ARHGAP26: variants seen among roughly 807,000 people sequenced by gnomAD.
ARHGAP26 encodes Rho GTPase activating protein 26, also known as rho GTPase-activating protein 26.
ARHGAP26 carries 38 observed loss-of-function variants against 104.8 expected under a neutral mutation model. That is an observed-to-expected ratio of 0.36 (90% confidence interval 0.28 to 0.48). The LOEUF (loss-of-function observed/expected upper bound fraction) is 0.48, where lower values mean the gene tolerates loss of function less well. Ranked by LOEUF, ARHGAP26 falls within the 20% of genes least tolerant of loss-of-function variation. The probability of loss-of-function intolerance (pLI) is 0.99; values close to 1 mark genes in which losing one functional copy is unlikely to be tolerated. For synonymous variants in ARHGAP26, 341 were observed against 340.0 expected (o/e 1.00, Z -0.03); for missense variants, 704 against 947.9 (o/e 0.74, Z 3.38).
At chr5:142,952,474 C>T (rs1598370680) in intron 11 of ARHGAP26, among the ~76,000 whole-genome samples, 1 of 152,070 alleles carries the variant, frequency 6.6e-6, no homozygotes, top group Non-Finnish European at 1.5e-5. Context: ...ATCCTATGTA[C>T]CGTAGTGTGT....
intron 12 of ARHGAP26, among the ~76,000 whole-genome samples, chr5:143,018,652 A>G (rs544882718): frequency 6.6e-6 from 1 of 152,254 alleles, no homozygotes; most frequent in South Asian, 2.1e-4. Context: ...AGGTTTGCAT[A>G]TTTTAGTTCT....
Position 142,770,662 on chromosome 5 carries a change from T to G in ARHGAP26, c.-100T>G. On this transcript the variant is annotated 5_prime_UTR_variant, in exon 1 of 23. Transcript: ENST00000645722. ...GCCACACCTGTGGAGCCGGCGGCCGTCGGGGGAGCCGGCCGGGGTCCCGCC... is the reference window on the plus strand; with the variant it reads ...GCCACACCTGTGGAGCCGGCGGCCGGCGGGGGAGCCGGCCGGGGTCCCGCC... 2 of 911,402 alleles carry G rather than the reference T, an allele frequency of 2.2e-6. No individual in the cohort carries two copies. The highest frequency in any genetic ancestry group is 2.7e-6 in the Non-Finnish European group (2 of 748,908). The allele number at this position is 911,402 out of a possible 1,614,324, so 56.5% of individuals were successfully genotyped here.
intron 17 of ARHGAP26, among the ~76,000 whole-genome samples, chr5:143,111,028 A>G (rs1794715165): frequency 6.6e-6 from 1 of 152,228 alleles, no homozygotes; most frequent in Non-Finnish European, 1.5e-5. Flanking sequence ...CTAAATGACT[A>G]ATTTTGGAAA....
At position 143,173,447 on chromosome 5, in the gene ARHGAP26, C is replaced by T. The variant is rs549792897; in HGVS notation, c.1988+26066C>T. 2.0e-5 allele frequency among the ~76,000 whole-genome samples: 3 copies of T among 152,294 alleles called. No homozygotes were observed. In the South Asian group the frequency reaches 6.2e-4, roughly 32 times the overall value. ...GAAAATCACCACAGGCCAGAATTTT[C>T]AAGAGACGTATTTTTAGGCAGGTCC... On this transcript the variant is annotated intron_variant, in intron 20 of 22. Transcript: ENST00000645722.
chr5:142,832,649 G>A (rs1296272233), intron 1 of ARHGAP26, among the ~76,000 whole-genome samples: 1 of 152,254 alleles, frequency 6.6e-6, no homozygotes, highest in Non-Finnish European at 1.5e-5. Flanking sequence ...TGCAGTTTAG[G>A]TAAGTCCCTC....
intron 17 of ARHGAP26, among the ~76,000 whole-genome samples, chr5:143,083,072 C>T (rs1249478187): frequency 2.0e-5 from 3 of 152,150 alleles, no homozygotes; most frequent in Non-Finnish European, 2.9e-5. Flanking sequence ...ATACAGCAGT[C>T]GAAGGCAGTC....
chr5:142,936,191 A>G lies in ARHGAP26; in HGVS notation c.1107+4066A>G, dbSNP rs1050941725. On this transcript the variant is annotated intron_variant, in intron 11 of 22. Transcript: ENST00000645722. ...TGAGTTCAGCAAGGTCACAGGATAC[A>G]AGATAGACATATGCACAAAATCAAT... Among the ~76,000 whole-genome samples the G allele has an allele frequency of 3.3e-5, 5 of 152,042 alleles. No individual in the cohort carries two copies. In the South Asian group the frequency reaches 8.3e-4, roughly 25 times the overall value.
At chr5:142,771,079 C>T (rs1451670944) in intron 1 of ARHGAP26, 164 bp downstream of exon 1, 6 of 1,368,328 alleles carry the variant, frequency 4.4e-6, no homozygotes, top group Non-Finnish European at 4.8e-6. Context: ...AGCGGGCGAA[C>T]CAGCAACCAT....
chr5:142,871,822 A>C lies in ARHGAP26; in HGVS notation c.155-1578A>C, dbSNP rs1755347242. ...AACATCTTTTGACATTTTGGTAAGG[A>C]CCATTCTGTGAAAGTGACTGAACGA... On this transcript the variant is annotated intron_variant, in intron 1 of 22. Transcript: ENST00000645722. This position sits in a 1 kb window ranked among gnomAD's most constrained non-coding sequence, Gnocchi z 4.1. Among the ~76,000 whole-genome samples the C allele has an allele frequency of 6.6e-6, 1 of 152,218 alleles. No homozygotes were observed. The highest frequency in any genetic ancestry group is 1.5e-5 in the Non-Finnish European group (1 of 68,046).
chr5:143,137,379 A>G (rs899485572), intron 19 of ARHGAP26, among the ~76,000 whole-genome samples: 4 of 152,198 alleles, frequency 2.6e-5, no homozygotes, highest in Admixed American at 6.5e-5. Context: ...TGGGCTGTGG[A>G]CACTTGCCGT....
chr5:142,933,166 T>C (rs1324609846), intron 11 of ARHGAP26, among the ~76,000 whole-genome samples: 3 of 152,220 alleles, frequency 2.0e-5, no homozygotes, highest in Non-Finnish European at 2.9e-5. Context: ...TTTCTACCTT[T>C]GAGGCTTTAT....
intron 11 of ARHGAP26, among the ~76,000 whole-genome samples, chr5:143,009,404 G>C (rs138892627): frequency 6.6e-6 from 1 of 152,302 alleles, no homozygotes; most frequent in African/African-American, 2.4e-5. Flanking sequence ...GGGAGTTCCT[G>C]TCTGGACTCT....
chr5:143,228,807 C>T lies in ARHGAP26; in HGVS notation c.*6361C>T. 1 of 194,554 alleles carries T rather than the reference C, an allele frequency of 5.1e-6. No homozygotes were observed. The highest frequency in any genetic ancestry group is 1.1e-5 in the Non-Finnish European group (1 of 93,108). 12.1% of individuals were successfully genotyped at this position (194,554 alleles called of 1,614,324 possible). On this transcript the variant is annotated 3_prime_UTR_variant, in exon 23 of 23. Transcript: ENST00000645722. The stretch of plus-strand genomic sequence containing the variant: ...ATCTGTGACTAGAATAGACCTTTGT[C>T]CCTGTTAGTAGCCCTGTTGCCATGT...
In ARHGAP26 at chr5:143,099,188, T is replaced by C. The variant is rs73300598; in HGVS notation, c.1539-21800T>C. ...TTTTAACTTAGTTTGATATCTATCTTTGCAGAAGCTGAGTCTTCATTCATA... is the reference window on the plus strand; with the variant it reads ...TTTTAACTTAGTTTGATATCTATCTCTGCAGAAGCTGAGTCTTCATTCATA... On this transcript the variant is annotated intron_variant, in intron 17 of 22. Transcript: ENST00000645722. 5.2e-3 allele frequency among the ~76,000 whole-genome samples: 794 copies of C among 152,348 alleles called. 5 individuals are homozygous for C. The highest frequency in any genetic ancestry group is 0.018 in the African/African-American group (752 of 41,584).
intron 20 of ARHGAP26, among the ~76,000 whole-genome samples, chr5:143,171,016 A>T (rs1322059401): frequency 6.6e-6 from 1 of 152,202 alleles, no homozygotes; most frequent in Non-Finnish European, 1.5e-5. Context: ...GCCAGAGTTT[A>T]AGAGAAAAAG....
chr5:142,873,659 GC>G (rs1482587659), intron 2 of ARHGAP26, among the ~76,000 whole-genome samples, 164 bp downstream of exon 2: 1 of 152,204 alleles, frequency 6.6e-6, no homozygotes, highest in Non-Finnish European at 1.5e-5. Context: ...GGAGCTTGGG[GC>G]TACTCTGGTC....
chr5:142,862,662 T>G (rs1208769766), intron 1 of ARHGAP26, among the ~76,000 whole-genome samples: 1 of 152,218 alleles, frequency 6.6e-6, no homozygotes, highest in Non-Finnish European at 1.5e-5. Flanking sequence ...TGTGTGAACC[T>G]GGAGAGGCAG....
chr5:142,907,675 G>T, intron 8 of ARHGAP26, 29 bp from the exon 9 acceptor site: 2 of 1,502,812 alleles, frequency 1.3e-6, no homozygotes, highest in Non-Finnish European at 1.8e-6. Flanking sequence ...GGAATGTATA[G>T]ATATTTTATG....
At chr5:143,139,343 A>T (rs1466264023) in intron 19 of ARHGAP26, among the ~76,000 whole-genome samples, 2 of 152,200 alleles carry the variant, frequency 1.3e-5, no homozygotes, top group South Asian at 4.1e-4. Flanking sequence ...TGAGGTCAAG[A>T]GGTTAAGCAG....
Sources: allele counts gnomAD v4.1 joint callset (sites outside exome capture counted in the v4.1 genomes callset), GRCh38; gene constraint gnomAD v4.1.1; non-coding constraint Gnocchi (gnomAD v3.1); transcripts MANE v1.5; gene names NCBI Gene and HGNC (gene_info 2026-07-23, HGNC 2026-07-21).